MED12L: variants seen among roughly 807,000 people sequenced by gnomAD.
The protein encoded by MED12L is mediator of RNA polymerase II transcription subunit 12-like protein.
Under a neutral mutation model 281.3 loss-of-function variants are expected in MED12L, and 60 were observed. The ratio of observed to expected loss-of-function variants is 0.21; its 90% CI spans 0.17 to 0.26. The LOEUF is 0.26. MED12L is among the 10% of genes least tolerant of loss of function. The pLI is 1.00. For missense variants in MED12L, 2,146 were observed against 2,680.9 expected (o/e 0.80, Z 4.41); for synonymous variants, 974 against 987.2 (o/e 0.99, Z 0.25).
At chr3:151,339,680 T>C (rs1751549751) in intron 16 of MED12L, among the ~76,000 whole-genome samples, 1 of 151,988 alleles carries the variant, frequency 6.6e-6, no homozygotes, top group Non-Finnish European at 1.5e-5. Context: ...CCTGTGTATA[T>C]ATGGTCATGA....
intron 11 of MED12L, among the ~76,000 whole-genome samples, chr3:151,168,054 A>G (rs1200905872): frequency 6.6e-6 from 1 of 152,152 alleles, no homozygotes; most frequent in African/African-American, 2.4e-5. Flanking sequence ...TTATTGCCCC[A>G]TTCACCTGCA....
chr3:151,206,071 ATTTTTTTTT>A (rs60866327), intron 16 of MED12L, among the ~76,000 whole-genome samples: 1 of 124,168 alleles, frequency 8.1e-6, no homozygotes, highest in Non-Finnish European at 1.7e-5. Context: ...AAAGAAAATA[ATTTTTTTTT>A]TTTTTTTTTT....
intron 16 of MED12L, among the ~76,000 whole-genome samples, chr3:151,319,982 A>G (rs35144003): frequency 6.6e-6 from 1 of 152,034 alleles, no homozygotes; most frequent in Non-Finnish European, 1.5e-5. Flanking sequence ...AGCCTTTCTC[A>G]GTCCTGAAAT....
At chr3:151,219,876 T>C (rs2149260097) in intron 16 of MED12L, among the ~76,000 whole-genome samples, 1 of 133,586 alleles carries the variant, frequency 7.5e-6, no homozygotes, top group East Asian at 2.2e-4. Context: ...GTGGTTTTGG[T>C]TATTGGTTTA....
At chr3:151,403,226 C>A (rs1163391329) in intron 39 of MED12L, among the ~76,000 whole-genome samples, 1 of 152,064 alleles carries the variant, frequency 6.6e-6, no homozygotes, top group Non-Finnish European at 1.5e-5. Context: ...CCCCTTTGAT[C>A]GCCTCATGAT....
intron 16 of MED12L, among the ~76,000 whole-genome samples, chr3:151,339,431 T>TTAA (rs1751493528): frequency 1.4e-5 from 2 of 145,888 alleles, no homozygotes; most frequent in East Asian, 2.0e-4. Context: ...ACTGAATCAG[T>TTAA]AAAAAAAAAA....
intron 3 of MED12L, among the ~76,000 whole-genome samples, chr3:151,120,175 G>T (rs1057459834): frequency 6.6e-6 from 1 of 150,624 alleles, no homozygotes; most frequent in East Asian, 1.9e-4. Flanking sequence ...GTAGTGAGCC[G>T]AAATCACACC....
chr3:151,190,580 T>A, intron 13 of MED12L, 137 bp from the exon 14 acceptor site: 1 of 762,782 alleles, frequency 1.3e-6, no homozygotes, highest in Non-Finnish European at 2.1e-6. Flanking sequence ...TGCTAGTGCC[T>A]CAGTAAATCT....
chr3:151,185,512 G>A (rs991106715), intron 12 of MED12L, 51 bp downstream of exon 12: 2 of 1,594,114 alleles, frequency 1.3e-6, no homozygotes, highest in Non-Finnish European at 1.7e-6. Flanking sequence ...TAAAAATACT[G>A]TTTTGGGGAA....
At chr3:151,407,939 G>A (rs1000898409) in intron 39 of MED12L, among the ~76,000 whole-genome samples, 13 of 152,132 alleles carry the variant, frequency 8.5e-5, no homozygotes, top group African/African-American at 2.9e-4. Flanking sequence ...TCATTAATAA[G>A]GCTTAATAGA....
At chr3:151,152,374 T>A (rs554016908) in intron 5 of MED12L, among the ~76,000 whole-genome samples, 1 of 152,154 alleles carries the variant, frequency 6.6e-6, no homozygotes, top group Admixed American at 6.5e-5. Flanking sequence ...AGTGTTGGGA[T>A]TACAGGTGTG....
intron 9 of MED12L, 99 bp downstream of exon 9, chr3:151,164,141 G>A (rs1720376435): frequency 7.6e-7 from 1 of 1,322,994 alleles, no homozygotes; most frequent in Non-Finnish European, 1.0e-6. Flanking sequence ...AGATGCTTGG[G>A]TGCTATCCCA....
At chr3:151,089,071 A>G (rs1410758690) in intron 2 of MED12L, among the ~76,000 whole-genome samples, 1 of 151,794 alleles carries the variant, frequency 6.6e-6, no homozygotes, top group Non-Finnish European at 1.5e-5. Context: ...TTTCTACCCT[A>G]CCCCTGTACC....
At chr3:151,166,626 A>G (rs1281787948) in intron 11 of MED12L, among the ~76,000 whole-genome samples, 2 of 151,776 alleles carry the variant, frequency 1.3e-5, no homozygotes, top group African/African-American at 4.8e-5. Flanking sequence ...GGCGGTCTTG[A>G]GTCCATAGGC....
In MED12L at chr3:151,282,949, G is replaced by A. The variant is rs1247026588; in HGVS notation, c.2251-67110G>A. 2.0e-5 allele frequency among the ~76,000 whole-genome samples: 3 copies of A among 152,186 alleles called. No homozygotes were observed. The East Asian group carries it at 5.8e-4, about 29-fold the overall frequency. ...TGATTTAGAGTAGTGGAGAAAGGGG[G>A]CAGAAATTACATCATTAAGATGTGA... On this transcript the variant is annotated intron_variant, in intron 16 of 44. Transcript: ENST00000687756.
intron 16 of MED12L, chr3:151,326,392 G>A (rs1277681233): frequency 6.6e-6 from 1 of 152,522 alleles, no homozygotes; most frequent in African/African-American, 2.4e-5. Flanking sequence ...TAAAAGAGTA[G>A]ATACAAAGGT....
At chr3:151,362,315 C>T (rs965507193) in intron 21 of MED12L, among the ~76,000 whole-genome samples, 2 of 152,098 alleles carry the variant, frequency 1.3e-5, no homozygotes, top group African/African-American at 4.8e-5. Context: ...CCATCCCTAC[C>T]TAGCCTTCAA....
chr3:151,361,778 G>C (rs2150082298), intron 21 of MED12L, among the ~76,000 whole-genome samples: 1 of 152,174 alleles, frequency 6.6e-6, no homozygotes, highest in South Asian at 2.1e-4. Context: ...TTTGCATGCT[G>C]ACTTCTTCAC....
In MED12L at chr3:151,432,877, C is replaced by A; in HGVS notation, c.*73C>A. On this transcript the variant is annotated 3_prime_UTR_variant, in exon 45 of 45. Transcript: ENST00000687756. The stretch of plus-strand genomic sequence containing the variant: ...AGAAAATCAAATTTAATGCATTAGT[C>A]ATCTTAAAAATGTCCCTTTTTTTCA... 2.7e-6 allele frequency: 3 copies of A among 1,130,074 alleles called. No homozygotes were observed. Among genetic ancestry groups the A allele is most frequent in the South Asian group, 1.5e-5 (1 of 66,462 alleles). 70.0% of individuals were successfully genotyped at this position (1,130,074 alleles called of 1,614,324 possible).
Sources: gnomAD v4.1 joint callset for allele counts (sites outside exome capture counted in the v4.1 genomes callset) on GRCh38, gnomAD v4.1.1 for gene constraint, MANE v1.5 for transcripts, NCBI Gene and HGNC (gene_info 2026-07-23, HGNC 2026-07-21) for gene names.